The following RGS5 variants were observed in gnomAD, a reference collection of about 807,000 sequenced individuals.
RGS5 encodes regulator of G-protein signalling 5.
In RGS5, 20 loss-of-function variants were observed where a neutral mutation model predicts 18.9. That is an observed-to-expected ratio of 1.06 (90% CI 0.74 to 1.54). The LOEUF (loss-of-function observed/expected upper bound fraction) is 1.54. Among genes scored for constraint, RGS5 ranks in the 40% most tolerant of loss-of-function variants. The pLI is 0.00. For missense variants in RGS5, 201 were observed against 211.8 expected (o/e 0.95, Z 0.32); for synonymous variants, 57 against 76.2 (o/e 0.75, Z 1.31).
Position 163,180,620 on chromosome 1 carries a change from T to C in RGS5, c.45-12252A>G, listed in dbSNP as rs1377593162. ...ACACAGATTATTGCTACAGTTAGGA[T>C]ACAGAACAATTCTGTCACCCCAGAA... is the stretch of plus-strand genomic sequence containing the variant. On this transcript the variant is annotated intron_variant, in intron 1 of 4. Coordinates refer to ENST00000313961, the MANE Select transcript of RGS5 (RefSeq NM_003617.4). Among the ~76,000 whole-genome samples the C allele has an allele frequency of 2.0e-5, 3 of 146,842 alleles. No individual in the cohort carries two copies. The East Asian group carries it at 5.9e-4, about 29-fold the overall frequency.
At chr1:163,245,304 G>C (rs1647898832) in intron 2 of RGS5, among the ~76,000 whole-genome samples, 1 of 152,120 alleles carries the variant, frequency 6.6e-6, no homozygotes, top group African/African-American at 2.4e-5. Context: ...ATGGACATCT[G>C]AGCAAAGCTC....
At chr1:163,279,712 T>C (rs1034962420) in intron 2 of RGS5, among the ~76,000 whole-genome samples, 2 of 151,430 alleles carry the variant, frequency 1.3e-5, no homozygotes, top group Non-Finnish European at 3.0e-5. Flanking sequence ...AAACAAAAGA[T>C]AAATAAAATG....
chr1:163,180,265 T>A (rs1429933261), intron 1 of RGS5, among the ~76,000 whole-genome samples: 1 of 152,210 alleles, frequency 6.6e-6, no homozygotes, highest in Non-Finnish European at 1.5e-5. Context: ...TGTGAACCGC[T>A]GCGCCCAGAC....
intron 4 of RGS5, among the ~76,000 whole-genome samples, chr1:163,150,666 C>T (rs16849866): frequency 0.18 from 27,805 of 151,992 alleles, 3,830 homozygotes; most frequent in African/African-American, 0.39. Flanking sequence ...CCACATCAAA[C>T]TTAAATCTAG....
chr1:163,227,159 C>G (rs551042018), intron 2 of RGS5, among the ~76,000 whole-genome samples: 9 of 152,306 alleles, frequency 5.9e-5, no homozygotes, highest in African/African-American at 2.2e-4. Flanking sequence ...AGCTAAGTCA[C>G]AGTATGGTTA....
intron 2 of RGS5, among the ~76,000 whole-genome samples, chr1:163,299,469 G>T (rs968282458): frequency 1.3e-5 from 2 of 152,166 alleles, no homozygotes; most frequent in African/African-American, 4.8e-5. Context: ...TTCTGCCACC[G>T]TAAGCTAAAT....
intron 1 of RGS5, among the ~76,000 whole-genome samples, chr1:163,174,213 A>G (rs1658437756): frequency 6.6e-6 from 1 of 152,198 alleles, no homozygotes; most frequent in African/African-American, 2.4e-5. Context: ...TTTTCCATTC[A>G]TGGCATTTTT....
intron 2 of RGS5, among the ~76,000 whole-genome samples, chr1:163,279,413 T>A (rs1410917194): frequency 6.6e-6 from 1 of 151,924 alleles, no homozygotes; most frequent in East Asian, 1.9e-4. Flanking sequence ...AATATGCTTC[T>A]GAACAACAAT....
chr1:163,175,415 T>C (rs924558808), intron 1 of RGS5, among the ~76,000 whole-genome samples: 5 of 152,184 alleles, frequency 3.3e-5, no homozygotes, highest in African/African-American at 1.2e-4. Flanking sequence ...AGTTTGCTCC[T>C]TGTAGGTGGC....
chr1:163,296,295 T>C (rs1649417656), intron 2 of RGS5, among the ~76,000 whole-genome samples: 1 of 152,210 alleles, frequency 6.6e-6, no homozygotes, highest in South Asian at 2.1e-4. Flanking sequence ...CTGTTTATTG[T>C]CTTTGAGGTT....
intron 1 of RGS5, chr1:163,212,041 T>TC (rs1355590526): frequency 1.3e-5 from 2 of 152,210 alleles, no homozygotes; most frequent in African/African-American, 2.4e-5. Flanking sequence ...TCGACTTAAT[T>TC]CCTTTTCCAC....
intron 2 of RGS5, among the ~76,000 whole-genome samples, chr1:163,253,623 TTTTTATTTA>T (rs1314501488): frequency 1.5e-5 from 1 of 65,238 alleles, no homozygotes; most frequent in Non-Finnish European, 2.9e-5. Context: ...ACCATTTTTC[TTTTTATTTA>T]TTTATTTATT....
chr1:163,171,485 A>C (rs1411826380), intron 1 of RGS5, among the ~76,000 whole-genome samples: 1 of 152,158 alleles, frequency 6.6e-6, no homozygotes, highest in African/African-American at 2.4e-5. Flanking sequence ...TATTTAGATA[A>C]CAATGATGTA....
intron 1 of RGS5, among the ~76,000 whole-genome samples, chr1:163,171,408 C>A (rs532892531): frequency 6.6e-6 from 1 of 152,232 alleles, no homozygotes; most frequent in African/African-American, 2.4e-5. Context: ...TTCCTGTGCA[C>A]CCATCTGTGG....
intron 2 of RGS5, among the ~76,000 whole-genome samples, chr1:163,267,857 A>G (rs1648609831): frequency 6.6e-6 from 1 of 152,188 alleles, no homozygotes; most frequent in African/African-American, 2.4e-5. Context: ...CCTACCCTTC[A>G]TAAATTTCAT....
At chr1:163,215,100 A>T (rs1660186977) in intron 1 of RGS5, among the ~76,000 whole-genome samples, 1 of 152,200 alleles carries the variant, frequency 6.6e-6, no homozygotes, top group Non-Finnish European at 1.5e-5. Flanking sequence ...ATATACGTAA[A>T]ATGGAATGAT....
intron 2 of RGS5, among the ~76,000 whole-genome samples, chr1:163,271,316 C>A (rs1648711236): frequency 6.6e-6 from 1 of 152,056 alleles, no homozygotes; most frequent in South Asian, 2.1e-4. Context: ...AAAGGTGGGG[C>A]CTTTGGCAGC....
chr1:163,162,162 A>G (rs1378264792), intron 2 of RGS5, among the ~76,000 whole-genome samples, 186 bp from the exon 3 acceptor site: 2 of 152,190 alleles, frequency 1.3e-5, no homozygotes, highest in Admixed American at 6.5e-5. Context: ...GTTTGCTTTC[A>G]TACATCTTTA....
chr1:163,189,494 G>C (rs1437237388), intron 1 of RGS5, among the ~76,000 whole-genome samples: 1 of 152,224 alleles, frequency 6.6e-6, no homozygotes, highest in Non-Finnish European at 1.5e-5. Context: ...TAAGAAGTGT[G>C]ATGAATAAAG....
Sources: allele counts gnomAD v4.1 joint callset (sites outside exome capture counted in the v4.1 genomes callset), GRCh38; gene constraint gnomAD v4.1.1; transcripts MANE v1.5; gene names NCBI Gene and HGNC (gene_info 2026-07-23, HGNC 2026-07-21).